Variants in HYCC2 observed in about 807,000 individuals in gnomAD.
HYCC2 encodes hyccin 2.
chr2:201,046,729 A>T, the HYCC2 span, among the ~76,000 whole-genome samples: 1 of 152,196 alleles, frequency 6.6e-6, no homozygotes, highest in East Asian at 1.9e-4. Flanking sequence ...GCCAAATGAC[A>T]AGAACAATGA....
the HYCC2 span, among the ~76,000 whole-genome samples, chr2:201,068,835 A>G: frequency 2.0e-5 from 3 of 152,224 alleles, no homozygotes; most frequent in Non-Finnish European, 4.4e-5. Context: ...CATTTTAGTC[A>G]GTGATAAATG....
At chr2:200,979,855 A>C in the HYCC2 span, 1 of 152,626 alleles carries the variant, frequency 6.6e-6, no homozygotes, top group African/African-American at 2.4e-5. Context: ...GAACTAAGGA[A>C]ATTTTTTTTA....
chr2:201,006,947 A>T, the HYCC2 span, among the ~76,000 whole-genome samples: 343 of 152,358 alleles, frequency 2.3e-3, 3 homozygotes, highest in African/African-American at 7.9e-3. Flanking sequence ...ACCACAAGGT[A>T]GATAAAGAAG....
At chr2:201,009,885 A>T in the HYCC2 span, among the ~76,000 whole-genome samples, 1 of 151,786 alleles carries the variant, frequency 6.6e-6, no homozygotes, top group Admixed American at 6.6e-5. Context: ...GGGCAGATCA[A>T]GAGGTCAGGA....
chr2:201,034,977 A>C, the HYCC2 span, among the ~76,000 whole-genome samples: 1 of 152,196 alleles, frequency 6.6e-6, no homozygotes, highest in Non-Finnish European at 1.5e-5. Flanking sequence ...ATCCGCTGTT[A>C]GTCTGATGGG....
chr2:201,063,329 G>A, the HYCC2 span: 37 of 1,543,634 alleles, frequency 2.4e-5, no homozygotes, highest in East Asian at 2.5e-4. Flanking sequence ...GAAGGTGGAT[G>A]GAAGAGTCGT....
At chr2:201,013,995 A>C in the HYCC2 span, among the ~76,000 whole-genome samples, 2 of 152,222 alleles carry the variant, frequency 1.3e-5, no homozygotes, top group Admixed American at 6.6e-5. Context: ...CAGAAAAGGA[A>C]GAACACAGAC....
At chr2:201,040,465 T>C in the HYCC2 span, among the ~76,000 whole-genome samples, 1 of 151,894 alleles carries the variant, frequency 6.6e-6, no homozygotes, top group South Asian at 2.1e-4. Flanking sequence ...TTTTGTTTTT[T>C]TTTTTTTGTG....
the HYCC2 span, among the ~76,000 whole-genome samples, chr2:201,004,052 G>A: frequency 6.6e-6 from 1 of 152,116 alleles, no homozygotes; most frequent in African/African-American, 2.4e-5. Context: ...CTGACCTCAG[G>A]TGATCCACCC....
the HYCC2 span, chr2:200,988,554 T>C: frequency 1.6e-5 from 9 of 566,176 alleles, no homozygotes; most frequent in South Asian, 3.3e-4. Flanking sequence ...TCTTTGTTGT[T>C]CTGTATTCTT....
At chr2:201,023,814 A>G in the HYCC2 span, 1 of 574,742 alleles carries the variant, frequency 1.7e-6, no homozygotes, top group East Asian at 2.9e-5. Flanking sequence ...GAAACACGTT[A>G]TTTTGTATTT....
At chr2:200,983,047 C>T in the HYCC2 span, among the ~76,000 whole-genome samples, 28 of 152,236 alleles carry the variant, frequency 1.8e-4, no homozygotes, top group South Asian at 6.2e-4. Flanking sequence ...CATGAGCCAC[C>T]GCGCCCGGCC....
chr2:201,035,779 T>G, the HYCC2 span, among the ~76,000 whole-genome samples: 2 of 152,214 alleles, frequency 1.3e-5, no homozygotes, highest in Admixed American at 6.5e-5. Context: ...GATGGGGTTT[T>G]GGTGTGGATG....
the HYCC2 span, among the ~76,000 whole-genome samples, chr2:201,062,892 A>C: frequency 6.7e-6 from 1 of 149,624 alleles, no homozygotes; most frequent in East Asian, 1.9e-4. Flanking sequence ...ATATACGGCA[A>C]CTGTTGAAAT....
At chr2:200,982,091 A>G in the HYCC2 span, among the ~76,000 whole-genome samples, 1 of 152,104 alleles carries the variant, frequency 6.6e-6, no homozygotes, top group African/African-American at 2.4e-5. Flanking sequence ...CAGTTTTTGT[A>G]CAACTATCCA....
At chr2:201,060,447 T>C in the HYCC2 span, among the ~76,000 whole-genome samples, 5 of 152,216 alleles carry the variant, frequency 3.3e-5, no homozygotes, top group Non-Finnish European at 7.3e-5. Context: ...ATGAGAGATA[T>C]AGCCCTTTTG....
At chr2:201,049,551 C>T in the HYCC2 span, among the ~76,000 whole-genome samples, 1 of 150,412 alleles carries the variant, frequency 6.6e-6, no homozygotes, top group Non-Finnish European at 1.5e-5. Context: ...GACGGGGTTT[C>T]ACCACGTTGG....
At chr2:201,068,962 A>C in the HYCC2 span, among the ~76,000 whole-genome samples, 3 of 152,258 alleles carry the variant, frequency 2.0e-5, no homozygotes, top group Admixed American at 1.3e-4. Context: ...AGACAAAAAA[A>C]TCTTCTGTTC....
chr2:201,011,313 T>C, the HYCC2 span: 5 of 791,302 alleles, frequency 6.3e-6, no homozygotes, highest in Non-Finnish European at 9.9e-6. Flanking sequence ...TAGGAATATT[T>C]ATCTCTGATA....
Sources: allele counts gnomAD v4.1 joint callset (sites outside exome capture counted in the v4.1 genomes callset), GRCh38; gene constraint gnomAD v4.1.1; transcripts MANE v1.5; gene names NCBI Gene and HGNC (gene_info 2026-07-23, HGNC 2026-07-21).